The following POC1A variants were observed in gnomAD, a reference collection of about 807,000 sequenced individuals.
POC1A encodes POC1 centriolar protein homolog A.
A neutral mutation model predicts 47.8 loss-of-function variants in POC1A; 34 were observed. That is an observed-to-expected ratio of 0.71 (90% CI 0.54 to 0.95). The LOEUF (loss-of-function observed/expected upper bound fraction) is 0.95. Ranked by LOEUF, POC1A falls within the 40% of genes least tolerant of loss-of-function variation. The pLI is 0.00. For missense variants in POC1A, 466 were observed against 528.3 expected (o/e 0.88, Z 1.16); for synonymous variants, 177 against 207.6 (o/e 0.85, Z 1.27).
chr3:52,094,294 G>A (rs1308845521), intron 10 of POC1A, among the ~76,000 whole-genome samples: 2 of 152,230 alleles, frequency 1.3e-5, no homozygotes, highest in Non-Finnish European at 2.9e-5. Flanking sequence ...AAGCCCAGCT[G>A]AACAAGCCGC....
intron 1 of POC1A, among the ~76,000 whole-genome samples, chr3:52,152,477 G>A (rs1031332955): frequency 3.3e-5 from 5 of 152,094 alleles, no homozygotes; most frequent in African/African-American, 9.7e-5. Context: ...GGCTAAGGCA[G>A]GAGAATCGCT....
At chr3:52,131,713 C>A (rs1355244671) in intron 7 of POC1A, among the ~76,000 whole-genome samples, 3 of 152,152 alleles carry the variant, frequency 2.0e-5, no homozygotes, top group Non-Finnish European at 4.4e-5. Flanking sequence ...TCTCCCCAGC[C>A]CCCAACCAGG....
intron 9 of POC1A, among the ~76,000 whole-genome samples, chr3:52,121,651 G>T (rs986737813): frequency 1.3e-5 from 2 of 152,134 alleles, no homozygotes; most frequent in Non-Finnish European, 2.9e-5. Context: ...GCCAGTATCC[G>T]TGTGGGGGAG....
intron 9 of POC1A, among the ~76,000 whole-genome samples, chr3:52,120,943 C>T (rs1703759060): frequency 6.6e-6 from 1 of 152,252 alleles, no homozygotes; most frequent in South Asian, 2.1e-4. Flanking sequence ...ATTAACCACT[C>T]CCAAGCGGCA....
chr3:52,089,063 T>C (rs1359466587), intron 10 of POC1A, among the ~76,000 whole-genome samples: 3 of 151,656 alleles, frequency 2.0e-5, no homozygotes, highest in Non-Finnish European at 2.9e-5. Context: ...GGATAAAAGA[T>C]AGAAAACCAG....
chr3:52,125,299 ACT>A, intron 7 of POC1A, 118 bp from the exon 8 acceptor site: 1 of 797,626 alleles, frequency 1.3e-6, no homozygotes, highest in South Asian at 1.6e-5. Context: ...CCGAGAGCCC[ACT>A]CAGCCCACAG....
Position 52,154,398 on chromosome 3 carries a change from G to C in POC1A, c.-26C>G. Reference sequence around the variant, plus strand: ...GGCGGGGCTGGCGGCGCCGAAGGCAGCTGCGGTGGCCGTTGCGGCCCGTTC... The same window carrying C: ...GGCGGGGCTGGCGGCGCCGAAGGCACCTGCGGTGGCCGTTGCGGCCCGTTC... On this transcript the variant is annotated 5_prime_UTR_variant, in exon 1 of 11. Transcript: ENST00000296484. The C allele has an allele frequency of 6.9e-7, 1 of 1,456,498 alleles. No individual in the cohort carries two copies. The allele number at this position is 1,456,498 out of a possible 1,614,324, so 90.2% of individuals were successfully genotyped here. A position where few individuals can be genotyped will look rare whatever the true frequency, so the allele number is the denominator to read the frequency against.
In POC1A at chr3:52,084,756, G is replaced by A. The variant is rs913940958; in HGVS notation, c.1126-8771C>T. Among the ~76,000 whole-genome samples the A allele has an allele frequency of 6.6e-6, 1 of 152,234 alleles. No individual in the cohort carries two copies. The highest frequency in any genetic ancestry group is 1.5e-5 in the Non-Finnish European group (1 of 68,040). On this transcript the variant is annotated intron_variant, in intron 10 of 10. Coordinates refer to ENST00000296484, the MANE Select transcript of POC1A (RefSeq NM_015426.5). This position sits in a 1 kb window ranked among gnomAD's most constrained non-coding sequence, Gnocchi z 4.3. Reference sequence around the variant, plus strand: ...CCATATCCACATCCTGCTCTTAGCAGAGCCCTGGGTGGTGGTACCTGGGGC... The same window carrying A: ...CCATATCCACATCCTGCTCTTAGCAAAGCCCTGGGTGGTGGTACCTGGGGC...
chr3:52,127,815 C>A (rs1356409372), intron 7 of POC1A, among the ~76,000 whole-genome samples: 1 of 152,018 alleles, frequency 6.6e-6, no homozygotes, highest in Admixed American at 6.5e-5. Flanking sequence ...TGTGCCTCAG[C>A]CTCCCAAGTA....
chr3:52,109,032 C>T (rs982825032), intron 9 of POC1A, among the ~76,000 whole-genome samples: 1 of 152,204 alleles, frequency 6.6e-6, no homozygotes, highest in Non-Finnish European at 1.5e-5. Flanking sequence ...AGCCCAGACG[C>T]GCCCCCTTCC....
chr3:52,087,029 C>T (rs893064466), intron 10 of POC1A, among the ~76,000 whole-genome samples: 1 of 152,202 alleles, frequency 6.6e-6, no homozygotes, highest in African/African-American at 2.4e-5. Context: ...GATGGGCCCA[C>T]CCAGCTTGTG....
intron 6 of POC1A, among the ~76,000 whole-genome samples, chr3:52,140,624 A>G (rs1043236102): frequency 2.6e-5 from 4 of 152,232 alleles, no homozygotes; most frequent in Admixed American, 6.5e-5. Context: ...AATGCCAGGA[A>G]TACCCAAGCC....
At chr3:52,132,634 C>T (rs1704261473) in intron 7 of POC1A, among the ~76,000 whole-genome samples, 1 of 152,186 alleles carries the variant, frequency 6.6e-6, no homozygotes, top group Admixed American at 6.5e-5. Flanking sequence ...CCAGAGTCCC[C>T]AAGCCAGGAC....
chr3:52,097,819 C>T (rs1008287564), intron 9 of POC1A, among the ~76,000 whole-genome samples: 2 of 152,258 alleles, frequency 1.3e-5, no homozygotes, highest in African/African-American at 2.4e-5. Context: ...ATCAGCATGT[C>T]GGCCACTTCC....
At chr3:52,111,950 A>C (rs1362602121) in intron 9 of POC1A, among the ~76,000 whole-genome samples, 1 of 152,176 alleles carries the variant, frequency 6.6e-6, no homozygotes, top group Non-Finnish European at 1.5e-5. Context: ...TAATGGCAGG[A>C]GTACTAAGGG....
At chr3:52,118,724 T>G (rs2107074687) in intron 9 of POC1A, among the ~76,000 whole-genome samples, 1 of 152,352 alleles carries the variant, frequency 6.6e-6, no homozygotes, top group South Asian at 2.1e-4. Flanking sequence ...CCGATGGGCT[T>G]CCTAGATTCC....
intron 9 of POC1A, among the ~76,000 whole-genome samples, chr3:52,109,033 G>A (rs1305970972): frequency 3.3e-5 from 5 of 152,050 alleles, no homozygotes; most frequent in African/African-American, 7.2e-5. Context: ...GCCCAGACGC[G>A]CCCCCTTCCC....
At position 52,079,445 on chromosome 3, in the gene POC1A, G is replaced by A. The variant is rs759853507; in HGVS notation, c.1126-3460C>T. On this transcript the variant is annotated intron_variant, in intron 10 of 10. Transcript: ENST00000296484. The surrounding 1 kb of genome is among the most constrained non-coding windows in gnomAD (Gnocchi z 4.6). The stretch of plus-strand genomic sequence containing the variant: ...GCGCTCTGCAGGCAAATACCTCTGC[G>A]GCCTCCCCGGGTCCACACTCCATGG... Among the ~76,000 whole-genome samples the A allele has an allele frequency of 2.2e-4, 33 of 152,170 alleles. No individual in the cohort carries two copies. Among genetic ancestry groups the A allele is most frequent in the East Asian group, 1.7e-3 (9 of 5,194 alleles).
At chr3:52,134,693 A>C (rs1466955456) in intron 7 of POC1A, among the ~76,000 whole-genome samples, 2 of 151,918 alleles carry the variant, frequency 1.3e-5, no homozygotes, top group Non-Finnish European at 2.9e-5. Context: ...TCACATGTAC[A>C]TGTGATAGAA....
Sources: gnomAD v4.1 joint callset for allele counts (sites outside exome capture counted in the v4.1 genomes callset) on GRCh38, gnomAD v4.1.1 for gene constraint, Gnocchi (gnomAD v3.1) non-coding constraint, MANE v1.5 for transcripts, NCBI Gene and HGNC (gene_info 2026-07-23, HGNC 2026-07-21) for gene names.